The following RFC3 variants were observed in gnomAD, a reference collection of about 807,000 sequenced individuals.
RFC3 encodes replication factor C subunit 3.
In RFC3, 41 loss-of-function variants were observed where a neutral mutation model predicts 45.1. That is an observed-to-expected ratio of 0.91 (90% CI 0.71 to 1.18). The LOEUF is 1.18. Among genes scored for constraint, RFC3 ranks in the 50% most tolerant of loss-of-function variants. The probability of loss-of-function intolerance (pLI) is 0.00; values close to 1 mark genes in which losing one functional copy is unlikely to be tolerated. For synonymous variants in RFC3, 149 were observed against 144.0 expected (o/e 1.03, Z -0.25); for missense variants, 423 against 428.1 (o/e 0.99, Z 0.10).
At chr13:33,925,217 A>G (rs979563289) in intron 8 of RFC3, among the ~76,000 whole-genome samples, 7 of 116,066 alleles carry the variant, frequency 6.0e-5, no homozygotes, top group African/African-American at 2.5e-4. Flanking sequence ...CATATAGTGT[A>G]CTATATACAT....
At chr13:33,840,008 C>T (rs948503084), downstream of RFC3, among the ~76,000 whole-genome samples, 1 of 152,050 alleles carries the variant, frequency 6.6e-6, no homozygotes, top group East Asian at 1.9e-4. Context: ...TTTTATTTTG[C>T]TACTATGGCT....
At chr13:33,870,850 T>G (rs1287402550) in intron 8 of RFC3, among the ~76,000 whole-genome samples, 1 of 152,234 alleles carries the variant, frequency 6.6e-6, no homozygotes. Context: ...AGTACCAATG[T>G]CTGGAGTTTA....
At position 33,831,261 on chromosome 13, in the gene RFC3, CT is replaced by C; in HGVS notation, c.720del (p.Phe240LeufsTer16). 2 of 1,583,648 alleles carry C rather than the reference CT, an allele frequency of 1.3e-6. No individual in the cohort carries two copies. Among genetic ancestry groups the C allele is most frequent in the Non-Finnish European group, 1.7e-6 (2 of 1,152,340 alleles). ...MCEACRVQQY[P>X]FTADQEIPET... ...GTTCTCTTTTTGTCATGTAGATATC[CT>C]TTTACTGCAGATCAAGAAATCCCTG... On this transcript the variant is annotated frameshift_variant, in exon 7 of 9. Transcript: ENST00000380071. LOFTEE classifies it high-confidence loss of function.
At chr13:33,832,557 C>T (rs2082114680) in intron 7 of RFC3, among the ~76,000 whole-genome samples, 1 of 152,076 alleles carries the variant, frequency 6.6e-6, no homozygotes, top group African/African-American at 2.4e-5. Context: ...GCTTTGAATT[C>T]TCAGAATTCA....
chr13:33,861,363 C>T (rs1314813326), intron 8 of RFC3, among the ~76,000 whole-genome samples: 2 of 152,096 alleles, frequency 1.3e-5, no homozygotes, highest in Non-Finnish European at 2.9e-5. Flanking sequence ...TGTGGTGGCT[C>T]ATGCCTGTAA....
At chr13:33,897,169 C>A (rs182936930) in intron 8 of RFC3, among the ~76,000 whole-genome samples, 4 of 152,062 alleles carry the variant, frequency 2.6e-5, no homozygotes, top group Non-Finnish European at 4.4e-5. Flanking sequence ...ACTCCAAAGA[C>A]AAATATATCA....
chr13:33,838,727 C>G (rs752970805), downstream of RFC3, among the ~76,000 whole-genome samples: 1 of 152,126 alleles, frequency 6.6e-6, no homozygotes, highest in Non-Finnish European at 1.5e-5. Context: ...TCTGGCTCCA[C>G]TCAGAGTCAG....
chr13:33,901,069 G>A (rs932078030), intron 8 of RFC3, among the ~76,000 whole-genome samples: 9 of 151,880 alleles, frequency 5.9e-5, no homozygotes, highest in Admixed American at 1.3e-4. Flanking sequence ...TGGAGAGAGG[G>A]GGACCCCTTA....
chr13:33,963,118 T>C (rs957594005), intron 8 of RFC3, among the ~76,000 whole-genome samples: 7 of 152,068 alleles, frequency 4.6e-5, no homozygotes, highest in African/African-American at 1.4e-4. Context: ...ATTCTCCATG[T>C]TTCTTTATTT....
At chr13:33,824,711 C>G (rs2082033749) in intron 3 of RFC3, among the ~76,000 whole-genome samples, 1 of 152,124 alleles carries the variant, frequency 6.6e-6, no homozygotes, top group Non-Finnish European at 1.5e-5. Context: ...AATACCATTA[C>G]AAGCTAATGT....
intron 8 of RFC3, among the ~76,000 whole-genome samples, chr13:33,861,056 A>G (rs1024984192): frequency 6.6e-6 from 1 of 152,042 alleles, no homozygotes; most frequent in Admixed American, 6.6e-5. Flanking sequence ...GAGCCACCAT[A>G]CCCAGCTGAG....
rs1436170249 is a variant in RFC3 at position 33,871,449 on chromosome 13, C to G, written c.879+36232C>G. Among the ~76,000 whole-genome samples the G allele has an allele frequency of 4.6e-5, 7 of 152,264 alleles. No homozygotes were observed. In the East Asian group the frequency reaches 1.4e-3, roughly 29 times the overall value. On this transcript the variant is annotated intron_variant, in intron 8 of 8. Transcript: ENST00000434425. ...CCTCCAACTTCTTGCTTTTATCATC[C>G]CACCTCCTGACTCTGCTGCCCTCCT...
At chr13:33,899,224 A>AAAAAAAAAAAAAT (rs1288671163) in intron 8 of RFC3, among the ~76,000 whole-genome samples, 1 of 148,238 alleles carries the variant, frequency 6.7e-6, no homozygotes, top group Non-Finnish European at 1.5e-5. Flanking sequence ...AAAAAAAAAA[A>AAAAAAAAAAAAAT]AAAAAGAACA....
At chr13:33,844,887 A>G (rs2082226284) in intron 8 of RFC3, among the ~76,000 whole-genome samples, 1 of 152,178 alleles carries the variant, frequency 6.6e-6, no homozygotes. Context: ...TTGTACCTTC[A>G]GATGATTTCT....
intron 8 of RFC3, among the ~76,000 whole-genome samples, chr13:33,856,847 G>A (rs540728980): frequency 6.6e-6 from 1 of 152,228 alleles, no homozygotes; most frequent in South Asian, 2.1e-4. Flanking sequence ...CTGAGAGACT[G>A]GGCATTGAAT....
At chr13:33,940,657 C>T (rs1029573924) in intron 8 of RFC3, among the ~76,000 whole-genome samples, 14 of 152,030 alleles carry the variant, frequency 9.2e-5, no homozygotes, top group African/African-American at 3.4e-4. Context: ...TCTGTCATAT[C>T]TTATTTTATT....
chr13:33,918,168 A>C (rs770872366), intron 8 of RFC3, among the ~76,000 whole-genome samples: 25 of 152,180 alleles, frequency 1.6e-4, no homozygotes, highest in Non-Finnish European at 3.2e-4. Flanking sequence ...TTTCCACTGC[A>C]TCATTCTGCC....
At chr13:33,909,675 C>T (rs1723012813) in intron 8 of RFC3, among the ~76,000 whole-genome samples, 1 of 152,056 alleles carries the variant, frequency 6.6e-6, no homozygotes, top group Non-Finnish European at 1.5e-5. Context: ...CTTTCTTCAG[C>T]CTGAAGGTGA....
chr13:33,970,321 T>A (rs566832704), downstream of RFC3, among the ~76,000 whole-genome samples: 5 of 152,250 alleles, frequency 3.3e-5, no homozygotes, highest in African/African-American at 1.2e-4. Flanking sequence ...ATATTTTCTT[T>A]ATCCAATCTA....
Sources: allele counts gnomAD v4.1 joint callset (sites outside exome capture counted in the v4.1 genomes callset), GRCh38; gene constraint gnomAD v4.1.1; transcripts MANE v1.5; gene names NCBI Gene and HGNC (gene_info 2026-07-23, HGNC 2026-07-21).